AKAP13: variants seen among roughly 807,000 people sequenced by gnomAD.
AKAP13 encodes the protein A-kinase anchor protein 13.
AKAP13 carries 80 observed loss-of-function variants against 264.5 expected under a neutral mutation model. The ratio of observed to expected loss-of-function variants is 0.30; its 90% CI spans 0.25 to 0.36. AKAP13 has a LOEUF of 0.36. Ranked by LOEUF, AKAP13 falls within the 10% of genes least tolerant of loss-of-function variation. The pLI, the probability that AKAP13 is intolerant of heterozygous loss-of-function variation, is 1.00. For synonymous variants in AKAP13, 1,380 were observed against 1,250.2 expected (o/e 1.10, Z -2.19); for missense variants, 3,712 against 3,435.2 (o/e 1.08, Z -2.01).
intron 1 of AKAP13, among the ~76,000 whole-genome samples, chr15:85,468,353 G>A (rs944952369): frequency 9.2e-5 from 14 of 152,126 alleles, no homozygotes; most frequent in African/African-American, 3.1e-4. Context: ...ATGACTTTTC[G>A]TGGTTTTAGT....
chr15:85,597,162 TC>T (rs2079855521), intron 8 of AKAP13, among the ~76,000 whole-genome samples: 1 of 152,228 alleles, frequency 6.6e-6, no homozygotes, highest in African/African-American at 2.4e-5. Flanking sequence ...TCCAAAATCT[TC>T]CAAAAATAAT....
chr15:85,739,296 A>T (rs191868715), intron 33 of AKAP13, among the ~76,000 whole-genome samples: 2 of 152,286 alleles, frequency 1.3e-5, no homozygotes, highest in East Asian at 3.9e-4. Context: ...GAGTATTATC[A>T]TTCTTATTAA....
chr15:85,681,712 A>G (rs1239803489), intron 14 of AKAP13, among the ~76,000 whole-genome samples: 1 of 114,798 alleles, frequency 8.7e-6, no homozygotes, highest in East Asian at 1.9e-4. Context: ...TCATGAAAAT[A>G]TTAGAGATGA....
chr15:85,730,638 G>T lies in AKAP13; in HGVS notation c.7213G>T (p.Val2405Phe), dbSNP rs2087932808. 6.2e-7 allele frequency: 1 copy of T among 1,614,132 alleles called. No homozygotes were observed. The highest frequency in any genetic ancestry group is 8.5e-7 in the Non-Finnish European group (1 of 1,180,010). ...TTGCTCCCCAACACATAGCCCTAGA[G>T]TTCTCTTCCGCTCCAACACAGAAGA... ...EDCSPTHSPR[V>F]LFRSNTEEAL... The change falls in exon 30 of 37, where the codon GTT (valine) becomes TTT (phenylalanine). Residue 2405 changes from valine (V) to phenylalanine (F), a missense_variant. This residue lies in a region of AKAP13 where 611 missense variants were observed against 539.3 expected (regional missense o/e 1.13). Coordinates refer to ENST00000394518, the MANE Select transcript of AKAP13 (RefSeq NM_007200.5).
At chr15:85,601,455 T>TA (rs2080066273) in intron 8 of AKAP13, among the ~76,000 whole-genome samples, 1 of 152,180 alleles carries the variant, frequency 6.6e-6, no homozygotes, top group South Asian at 2.1e-4. Context: ...AGCTTTCATA[T>TA]AGTCTGTTAA....
intron 10 of AKAP13, among the ~76,000 whole-genome samples, chr15:85,646,384 G>A (rs546026650): frequency 4.6e-5 from 7 of 152,058 alleles, no homozygotes; most frequent in Non-Finnish European, 8.8e-5. Context: ...TCAAGTTCGC[G>A]CCACTAAACT....
intron 8 of AKAP13, among the ~76,000 whole-genome samples, chr15:85,610,861 C>T (rs2080579338): frequency 6.6e-6 from 1 of 152,182 alleles, no homozygotes; most frequent in Non-Finnish European, 1.5e-5. Context: ...CGCTTGTAAT[C>T]CCAGCTACTT....
At chr15:85,431,601 G>A (rs1483154710) in intron 1 of AKAP13, among the ~76,000 whole-genome samples, 1 of 152,200 alleles carries the variant, frequency 6.6e-6, no homozygotes, top group Non-Finnish European at 1.5e-5. Context: ...GAGTGGTCAG[G>A]TGATGAGGTG....
chr15:85,580,878 T>G lies in AKAP13; in HGVS notation c.2810T>G (p.Ile937Ser). ...DKDKAVTCSS[I>S]KENALSSGTL... The stretch of plus-strand genomic sequence containing the variant: ...GATAAAGCGGTGACCTGTTCCTCTA[T>G]TAAGGAAAATGCTCTCTCTTCAGGA... The change falls in exon 7 of 37, where the codon ATT (isoleucine) becomes AGT (serine). Residue 937 changes from isoleucine (I) to serine (S), a missense_variant. Ile to Ser is a moderately radical substitution (Grantham distance 142). Coordinates refer to ENST00000394518, the MANE Select transcript of AKAP13 (RefSeq NM_007200.5). 1 of 1,614,124 alleles carries G rather than the reference T, an allele frequency of 6.2e-7. No individual in the cohort carries two copies. Among genetic ancestry groups the G allele is most frequent in the South Asian group, 1.1e-5 (1 of 91,078 alleles).
chr15:85,676,613 G>A (rs139786354), intron 14 of AKAP13, among the ~76,000 whole-genome samples: 2 of 152,280 alleles, frequency 1.3e-5, no homozygotes, highest in Non-Finnish European at 2.9e-5. Context: ...TTGTTAAGAG[G>A]TGGAGTGAAT....
intron 8 of AKAP13, among the ~76,000 whole-genome samples, chr15:85,605,147 A>G (rs780558658): frequency 1.2e-4 from 18 of 152,172 alleles, no homozygotes; most frequent in Non-Finnish European, 1.8e-4. Context: ...CATTAAACAC[A>G]CACATACATC....
chr15:85,644,668 T>G (rs1484723007), intron 9 of AKAP13, among the ~76,000 whole-genome samples: 1 of 120,098 alleles, frequency 8.3e-6, no homozygotes, highest in Non-Finnish European at 1.6e-5. Flanking sequence ...GCTAACACGG[T>G]GAAACCTCAT....
intron 1 of AKAP13, chr15:85,389,815 C>T (rs1213825951): frequency 6.6e-6 from 1 of 152,204 alleles, no homozygotes; most frequent in Admixed American, 6.5e-5. Flanking sequence ...TTTTCTGTCC[C>T]CCCGTGGGGG....
intron 13 of AKAP13, 148 bp downstream of exon 13, chr15:85,664,903 G>A: frequency 1.3e-6 from 1 of 760,174 alleles, no homozygotes; most frequent in Non-Finnish European, 2.0e-6. Flanking sequence ...CAAGTGTTTA[G>A]CACCTAATTA....
intron 8 of AKAP13, among the ~76,000 whole-genome samples, chr15:85,623,630 T>A (rs2081288386): frequency 6.6e-6 from 1 of 152,204 alleles, no homozygotes; most frequent in South Asian, 2.1e-4. Flanking sequence ...AGCTCTTCTG[T>A]CCCATCATCA....
At chr15:85,722,408 G>A in intron 25 of AKAP13, 61 bp downstream of exon 25, 1 of 1,357,962 alleles carries the variant, frequency 7.4e-7, no homozygotes, top group Non-Finnish European at 1.0e-6. Flanking sequence ...GTGGCCAGTA[G>A]TACTGGAAGC....
Position 85,719,126 on chromosome 15 carries a change from G to T in AKAP13, c.6052G>T (p.Gly2018Cys). 1 of 1,614,122 alleles carries T rather than the reference G, an allele frequency of 6.2e-7. No individual in the cohort carries two copies. The highest frequency in any genetic ancestry group is 8.5e-7 in the Non-Finnish European group (1 of 1,180,030). ...TGTCCGCACTCTCAAGATCATGAGT[G>T]GTGTGTACAGCCAGGGGATGATGGC... is the stretch of plus-strand genomic sequence containing the variant. ...HHVRTLKIMS[G>C]VYSQGMMADL... is the part of the protein sequence containing the mutation. The change falls in exon 23 of 37, where the codon GGT becomes TGT. Residue 2018 changes from glycine to cysteine, a missense_variant. Gly to Cys is a radical substitution (Grantham distance 159). Coordinates refer to ENST00000394518, the MANE Select transcript of AKAP13 (RefSeq NM_007200.5).
chr15:85,421,573 G>A (rs968177949), intron 1 of AKAP13, among the ~76,000 whole-genome samples: 1 of 152,266 alleles, frequency 6.6e-6, no homozygotes, highest in Admixed American at 6.5e-5. Flanking sequence ...ATGGGTTTGT[G>A]TGTGCGCGTG....
In AKAP13 at chr15:85,730,720, C is replaced by A. The variant is rs2087935111; in HGVS notation, c.7282+13C>A. 1 of 1,600,012 alleles carries A rather than the reference C, an allele frequency of 6.2e-7. No individual in the cohort carries two copies. Among genetic ancestry groups the A allele is most frequent in the African/African-American group, 1.3e-5 (1 of 74,632 alleles). On this transcript the variant is annotated intron_variant, in intron 30 of 36. Coordinates refer to ENST00000394518, the MANE Select transcript of AKAP13 (RefSeq NM_007200.5). ...GCAATAAATGAGGGTAATTAACATT[C>A]AGCATTGCCCCCTCTTCATCTACTC...
Sources: gnomAD v4.1 joint callset for allele counts (sites outside exome capture counted in the v4.1 genomes callset) on GRCh38, gnomAD v4.1.1 for gene constraint, gnomAD v4.1.1 regional missense constraint, MANE v1.5 for transcripts, NCBI Gene and HGNC (gene_info 2026-07-23, HGNC 2026-07-21) for gene names.